QRFPR: variants seen among roughly 807,000 people sequenced by gnomAD.
The protein encoded by QRFPR is pyroglutamylated RFamide peptide receptor, also known as pyroglutamylated RF-amide peptide receptor.
QRFPR carries 37 observed loss-of-function variants against 31.3 expected under a neutral mutation model. The observed-to-expected ratio is 1.18, with a 90% CI of 0.91 to 1.56. The LOEUF is 1.56. Ranked by LOEUF, QRFPR falls within the 40% of genes most tolerant of loss-of-function variation. QRFPR has a pLI of 0.00. For synonymous variants in QRFPR, 197 were observed against 192.0 expected (o/e 1.03, Z -0.22); for missense variants, 542 against 532.5 (o/e 1.02, Z -0.18).
At chr4:121,358,034 A>G (rs1238377321) in intron 1 of QRFPR, among the ~76,000 whole-genome samples, 1 of 152,230 alleles carries the variant, frequency 6.6e-6, no homozygotes, top group Admixed American at 6.5e-5. Flanking sequence ...AGGAGACTAG[A>G]CATGAAACAA....
intron 1 of QRFPR, among the ~76,000 whole-genome samples, chr4:121,354,170 C>G (rs547526089): frequency 6.6e-6 from 1 of 151,862 alleles, no homozygotes; most frequent in East Asian, 1.9e-4. Flanking sequence ...TCTTTTTGCT[C>G]GGGATGGCTT....
At chr4:121,361,742 A>G (rs1031946520) in intron 1 of QRFPR, among the ~76,000 whole-genome samples, 7 of 150,338 alleles carry the variant, frequency 4.7e-5, no homozygotes, top group Middle Eastern at 6.9e-3. Context: ...TGTTGCTCCT[A>G]AGGAACAATA....
intron 1 of QRFPR, among the ~76,000 whole-genome samples, chr4:121,344,043 T>C (rs1442124572): frequency 6.6e-6 from 1 of 152,246 alleles, no homozygotes; most frequent in African/African-American, 2.4e-5. Context: ...ACTGGATACA[T>C]TCTTTAATAA....
chr4:121,356,371 C>T (rs1170513262), intron 1 of QRFPR, among the ~76,000 whole-genome samples: 1 of 152,008 alleles, frequency 6.6e-6, no homozygotes. Flanking sequence ...TTTTGAATTC[C>T]CTGTCTGAAA....
intron 1 of QRFPR, among the ~76,000 whole-genome samples, chr4:121,347,800 C>A (rs963575198): frequency 2.6e-5 from 4 of 152,032 alleles, no homozygotes; most frequent in Non-Finnish European, 5.9e-5. Context: ...CCTTGGCCTA[C>A]TTTTTAATTA....
At chr4:121,369,774 A>G in intron 1 of QRFPR, 1 of 1,592,002 alleles carries the variant, frequency 6.3e-7, no homozygotes, top group Non-Finnish European at 8.6e-7. Context: ...CCAGAAGTGA[A>G]CCAGCCCCTG....
At chr4:121,344,209 G>A (rs890501740) in intron 1 of QRFPR, among the ~76,000 whole-genome samples, 3 of 152,198 alleles carry the variant, frequency 2.0e-5, no homozygotes, top group Non-Finnish European at 2.9e-5. Context: ...AGTTCAAAGA[G>A]GTTAAATGAT....
At chr4:121,346,892 A>T (rs1388023266) in intron 1 of QRFPR, among the ~76,000 whole-genome samples, 2 of 152,174 alleles carry the variant, frequency 1.3e-5, no homozygotes, top group Admixed American at 1.3e-4. Context: ...ATCATGATGT[A>T]TAATCCTTTT....
chr4:121,337,110 C>G (rs527798057), intron 2 of QRFPR, among the ~76,000 whole-genome samples: 1 of 152,310 alleles, frequency 6.6e-6, no homozygotes, highest in African/African-American at 2.4e-5. Context: ...AAGATAAAAC[C>G]CAGTTTCCTT....
chr4:121,362,479 A>G (rs1456760513), intron 1 of QRFPR, among the ~76,000 whole-genome samples: 1 of 150,040 alleles, frequency 6.7e-6, no homozygotes, highest in Non-Finnish European at 1.5e-5. Context: ...AACTGATTCT[A>G]AAGTTTATAT....
chr4:121,351,843 T>TAAAAA (rs11333384), intron 1 of QRFPR, among the ~76,000 whole-genome samples: 1 of 146,068 alleles, frequency 6.8e-6, no homozygotes, highest in Non-Finnish European at 1.5e-5. Context: ...TAAAGTAATG[T>TAAAAA]AAAAAAAAAA....
chr4:121,329,273 T>A lies in QRFPR; in HGVS notation c.*41A>T. On this transcript the variant is annotated 3_prime_UTR_variant, in exon 6 of 6. Coordinates refer to ENST00000394427, the MANE Select transcript of QRFPR (RefSeq NM_198179.3). ...TGCTCAAAATAATTTTCTCTTTGGG[T>A]TACAATCTGAAGGGCATTAATTATG... 1 of 1,443,144 alleles carries A rather than the reference T, an allele frequency of 6.9e-7. No homozygotes were observed. The highest frequency in any genetic ancestry group is 9.4e-7 in the Non-Finnish European group (1 of 1,064,300). 89.4% of individuals were successfully genotyped at this position (1,443,144 alleles called of 1,614,324 possible).
chr4:121,375,515 A>G (rs949117745), intron 1 of QRFPR, among the ~76,000 whole-genome samples: 1 of 152,224 alleles, frequency 6.6e-6, no homozygotes, highest in Non-Finnish European at 1.5e-5. Flanking sequence ...CATTAATAAT[A>G]CTTTAGACTT....
Position 121,329,384 on chromosome 4 carries a change from T to C in QRFPR, c.1226A>G (p.Lys409Arg), listed in dbSNP as rs1725276062. The change falls in exon 6 of 6, where the codon AAG becomes AGG. Residue 409 changes from lysine (K) to arginine (R), a missense_variant. Coordinates refer to ENST00000394427, the MANE Select transcript of QRFPR (RefSeq NM_198179.3). Reference protein sequence around the residue: ...KLCEQTEEKKKLKRHLALFRS... With the variant: ...KLCEQTEEKKRLKRHLALFRS... ...AAAGAGAGCAAGATGTCGTTTGAGC[T>C]TTTTCTTCTCCTCTGTCTGTTCACA... 6.2e-7 allele frequency: 1 copy of C among 1,614,004 alleles called. No homozygotes were observed. The highest frequency in any genetic ancestry group is 1.1e-5 in the South Asian group (1 of 91,086).
intron 3 of QRFPR, chr4:121,334,673 T>C: frequency 2.9e-6 from 1 of 350,208 alleles, no homozygotes; most frequent in Non-Finnish European, 5.7e-6. Context: ...GAATTCACAT[T>C]TTTCATACAG....
rs11947418 is a variant in QRFPR, at chr4:121,340,504, A to C, written c.447T>G (p.His149Gln). The C allele has an allele frequency of 3.1e-3, 5,012 of 1,614,048 alleles. 144 individuals are homozygous for C. In the African/African-American group the frequency reaches 0.06, roughly 19 times the overall value. Residue 149 changes from histidine (H) to glutamine (Q), a missense_variant, in exon 2 of 6, where the codon CAT becomes CAG. By Grantham distance (24) the His-to-Gln change is conservative. Transcript: ENST00000394427. ...TGTATTGCCACTTCATTTTAAAAGG[A>C]TGCACAAGTCCCTGGTGCCTTTCCA... ...IAVERHQGLVHPFKMKWQYTN... is the reference protein window; with the variant it reads ...IAVERHQGLVQPFKMKWQYTN...
At chr4:121,375,716 G>C (rs959249306) in intron 1 of QRFPR, among the ~76,000 whole-genome samples, 2 of 152,210 alleles carry the variant, frequency 1.3e-5, no homozygotes, top group East Asian at 3.9e-4. Flanking sequence ...TGAAAGAAAA[G>C]AGGTTGCATG....
intron 1 of QRFPR, among the ~76,000 whole-genome samples, chr4:121,364,276 C>T (rs1031275761): frequency 2.7e-5 from 4 of 149,704 alleles, no homozygotes; most frequent in Non-Finnish European, 4.4e-5. Flanking sequence ...GGAATGTTAC[C>T]GAATGTAACA....
intron 1 of QRFPR, chr4:121,370,262 G>T: frequency 1.3e-6 from 1 of 783,106 alleles, no homozygotes; most frequent in Non-Finnish European, 2.3e-6. Flanking sequence ...TGAGTGCCCG[G>T]CGGTATATCC....
Sources: allele counts gnomAD v4.1 joint callset (sites outside exome capture counted in the v4.1 genomes callset), GRCh38; gene constraint gnomAD v4.1.1; transcripts MANE v1.5; gene names NCBI Gene and HGNC (gene_info 2026-07-23, HGNC 2026-07-21).